The following TCF7L1 variants were observed in gnomAD, a reference collection of about 807,000 sequenced individuals.
TCF7L1 encodes the protein transcription factor 7 like 1.
Under a neutral mutation model 63.7 loss-of-function variants are expected in TCF7L1, and 18 were observed. The observed-to-expected ratio is 0.28, with a 90% confidence interval of 0.20 to 0.42. TCF7L1 has a LOEUF of 0.42. Ranked by LOEUF, TCF7L1 falls within the 10% of genes least tolerant of loss-of-function variation. TCF7L1 has a pLI of 1.00. For synonymous variants in TCF7L1, 355 were observed against 340.9 expected, an observed-to-expected ratio of 1.04 and a Z score of -0.46; for missense variants, 654 against 779.3, an observed-to-expected ratio of 0.84 and a Z score of 1.91.
chr2:85,211,650 C>T (rs374435012), intron 3 of TCF7L1, among the ~76,000 whole-genome samples: 36 of 152,300 alleles, frequency 2.4e-4, no homozygotes, highest in African/African-American at 8.7e-4. Context: ...ATCATAATTC[C>T]AGGCCACAGC....
At chr2:85,203,324 T>C (rs1346773552) in intron 3 of TCF7L1, among the ~76,000 whole-genome samples, 5 of 152,236 alleles carry the variant, frequency 3.3e-5, no homozygotes, top group African/African-American at 1.2e-4. Flanking sequence ...CTCACTGTCA[T>C]ATTTTTAAAG....
At chr2:85,215,383 G>A (rs952779443) in intron 3 of TCF7L1, among the ~76,000 whole-genome samples, 1 of 152,200 alleles carries the variant, frequency 6.6e-6, no homozygotes, top group Non-Finnish European at 1.5e-5. Flanking sequence ...ACATACCCTC[G>A]CCAGTGATGT....
chr2:85,246,176 G>C (rs1290083193), intron 3 of TCF7L1, among the ~76,000 whole-genome samples: 1 of 152,226 alleles, frequency 6.6e-6, no homozygotes, highest in Non-Finnish European at 1.5e-5. Flanking sequence ...ATCGAGGATG[G>C]ACATCTCAAC....
Position 85,303,978 on chromosome 2 carries a change from C to T in TCF7L1, c.742C>T (p.Leu248Phe), listed in dbSNP as rs377056043. ...AGCTGTCGGACAAATCCCCCACCCC[C>T]TCGGCTGGCTCGTCCCACAGTAAGG... ...PGAVGQIPHP[L>F]GWLVPQQGQP... Residue 248 changes from leucine (L) to phenylalanine (F), a missense_variant, in exon 6 of 12, where the codon CTC becomes TTC. Transcript: ENST00000282111. 1.1e-5 allele frequency: 18 copies of T among 1,610,542 alleles called. No individual in the cohort carries two copies. The highest frequency in any genetic ancestry group is 1.4e-5 in the Non-Finnish European group (17 of 1,178,274).
At chr2:85,286,388 A>G (rs897945901) in intron 4 of TCF7L1, among the ~76,000 whole-genome samples, 11 of 151,730 alleles carry the variant, frequency 7.2e-5, no homozygotes, top group African/African-American at 2.7e-4. Flanking sequence ...AAAAACTAAC[A>G]TATAGTGGCC....
intron 3 of TCF7L1, among the ~76,000 whole-genome samples, chr2:85,139,954 G>A (rs941863372): frequency 6.6e-6 from 1 of 152,156 alleles, no homozygotes; most frequent in African/African-American, 2.4e-5. Context: ...GTGGATTGGA[G>A]GACGAGGACC....
chr2:85,298,206 A>AAAAAAAAAAAAAAAAAT (rs1558660087), intron 4 of TCF7L1, among the ~76,000 whole-genome samples: 2 of 147,252 alleles, frequency 1.4e-5, no homozygotes, highest in Non-Finnish European at 3.0e-5. Context: ...AAAAAAAAAA[A>AAAAAAAAAAAAAAAAAT]GTGCAGGCCG....
At chr2:85,308,907 T>C in intron 11 of TCF7L1, 122 bp from the exon 12 acceptor site, 2 of 1,136,800 alleles carry the variant, frequency 1.8e-6, no homozygotes, top group Admixed American at 2.3e-5. Context: ...TTGGAAGTAA[T>C]GTCAGGTCCT....
At chr2:85,222,924 G>A (rs1679879428) in intron 3 of TCF7L1, among the ~76,000 whole-genome samples, 1 of 152,160 alleles carries the variant, frequency 6.6e-6, no homozygotes, top group Non-Finnish European at 1.5e-5. Flanking sequence ...TCTGGGCTCT[G>A]TTTCGAAATA....
chr2:85,205,737 T>C (rs113763679), intron 3 of TCF7L1, among the ~76,000 whole-genome samples: 3,757 of 152,232 alleles, frequency 0.025, 159 homozygotes, highest in African/African-American at 0.085. Flanking sequence ...GCCAGGCTGG[T>C]TTCGAACTCC....
chr2:85,135,153 G>A (rs1677561880), intron 3 of TCF7L1, among the ~76,000 whole-genome samples: 1 of 152,186 alleles, frequency 6.6e-6, no homozygotes. Context: ...ATTTAGAGCG[G>A]TGATTAAGCA....
At chr2:85,248,386 C>T (rs1392604599) in intron 3 of TCF7L1, among the ~76,000 whole-genome samples, 1 of 152,136 alleles carries the variant, frequency 6.6e-6, no homozygotes, top group Non-Finnish European at 1.5e-5. Context: ...TAACACAATT[C>T]CACATAGTGC....
chr2:85,224,820 T>C (rs1654987716), intron 3 of TCF7L1, among the ~76,000 whole-genome samples: 1 of 152,228 alleles, frequency 6.6e-6, no homozygotes, highest in Non-Finnish European at 1.5e-5. Flanking sequence ...TTTGTTGCCA[T>C]TGCTTTTGGT....
intron 3 of TCF7L1, chr2:85,166,818 A>G (rs1170557970): frequency 1.3e-5 from 2 of 152,268 alleles, no homozygotes; most frequent in African/African-American, 4.8e-5. Context: ...GTGGAAAGCT[A>G]CATTCTCCAA....
At chr2:85,208,937 T>C (rs1679478206) in intron 3 of TCF7L1, among the ~76,000 whole-genome samples, 1 of 152,222 alleles carries the variant, frequency 6.6e-6, no homozygotes, top group East Asian at 1.9e-4. Context: ...TTGTATGTCA[T>C]TGATTTCTTT....
At position 85,309,598 on chromosome 2, in the gene TCF7L1, C is replaced by A; in HGVS notation, c.*136C>A. On this transcript the variant is annotated 3_prime_UTR_variant, in exon 12 of 12. Coordinates refer to ENST00000282111, the MANE Select transcript of TCF7L1 (RefSeq NM_031283.3). ...TGTAAAGTGGCTGGTAACAACAGCACTTTACAGTTTGTAGATGTAACCAGT... is the reference window on the plus strand; with the variant it reads ...TGTAAAGTGGCTGGTAACAACAGCAATTTACAGTTTGTAGATGTAACCAGT... 1.2e-6 allele frequency: 1 copy of A among 815,922 alleles called. No homozygotes were observed. Among genetic ancestry groups the A allele is most frequent in the Non-Finnish European group, 1.8e-6 (1 of 567,178 alleles). 50.5% of individuals were successfully genotyped at this position (815,922 alleles called of 1,614,324 possible). A position where few individuals can be genotyped will look rare whatever the true frequency, so the allele number is the denominator to read the frequency against.
At chr2:85,139,088 A>G (rs1677660470) in intron 3 of TCF7L1, among the ~76,000 whole-genome samples, 1 of 151,522 alleles carries the variant, frequency 6.6e-6, no homozygotes, top group Non-Finnish European at 1.5e-5. Flanking sequence ...GGCTCACTGC[A>G]ACCTCCACCT....
intron 3 of TCF7L1, among the ~76,000 whole-genome samples, chr2:85,191,711 G>C (rs151284470): frequency 0.016 from 2,440 of 151,940 alleles, 72 homozygotes; most frequent in African/African-American, 0.056. Flanking sequence ...TGTAATCCCA[G>C]CTACTCGGAA....
intron 5 of TCF7L1, chr2:85,303,618 C>T (rs772503946): frequency 2.8e-4 from 94 of 339,276 alleles, no homozygotes; most frequent in Non-Finnish European, 4.7e-4. Flanking sequence ...TCTTCCAGGA[C>T]GCTGGCTTCT....
Sources: gnomAD v4.1 joint callset for allele counts (sites outside exome capture counted in the v4.1 genomes callset) on GRCh38, gnomAD v4.1.1 for gene constraint, MANE v1.5 for transcripts, NCBI Gene and HGNC (gene_info 2026-07-23, HGNC 2026-07-21) for gene names.